ORC5: variants seen among roughly 807,000 people sequenced by gnomAD.
The protein encoded by ORC5 is origin recognition complex subunit 5.
A neutral mutation model predicts 58.8 loss-of-function variants in ORC5; 39 were observed. That is an observed-to-expected ratio of 0.66 (90% CI 0.51 to 0.87). The LOEUF is 0.87. ORC5 is among the 40% of genes least tolerant of loss of function. The probability of loss-of-function intolerance (pLI) is 0.00; values close to 1 mark genes in which losing one functional copy is unlikely to be tolerated. For missense variants in ORC5, 493 were observed against 506.3 expected (o/e 0.97, Z 0.25); for synonymous variants, 218 against 177.6 (o/e 1.23, Z -1.81).
chr7:104,149,561 CTG>C, intron 12 of ORC5, among the ~76,000 whole-genome samples: 1 of 152,250 alleles, frequency 6.6e-6, no homozygotes, highest in African/African-American at 2.4e-5. Context: ...TTTTAAAAAA[CTG>C]TATTAAAAGT....
At chr7:104,177,883 C>T (rs1437939674) in intron 8 of ORC5, among the ~76,000 whole-genome samples, 2 of 152,130 alleles carry the variant, frequency 1.3e-5, no homozygotes, top group African/African-American at 4.8e-5. Flanking sequence ...CACCTATGTC[C>T]CTGCAAAGGA....
chr7:104,155,797 G>A (rs905340632), intron 12 of ORC5, among the ~76,000 whole-genome samples: 5 of 151,406 alleles, frequency 3.3e-5, no homozygotes, highest in Admixed American at 3.3e-4. Flanking sequence ...AAGAGTATTT[G>A]GGTAGGGGAG....
rs111532463 is a variant in ORC5, at chr7:104,138,550, T to A, written c.1150-1657A>T. Among the ~76,000 whole-genome samples the A allele has an allele frequency of 1.4e-3, 213 of 152,100 alleles. 1 individual carries two copies. The highest frequency in any genetic ancestry group is 3.4e-3 in the Middle Eastern group (1 of 294). On this transcript the variant is annotated intron_variant, in intron 12 of 13. Transcript: ENST00000297431. The surrounding 1 kb of genome is among the most constrained non-coding windows in gnomAD (Gnocchi z 4.7). ...TCTGAGGCAGGGTCTCACTCCATTA[T>A]CCATGCTGGATTGCAGTGGCGCAAT...
chr7:104,132,565 A>G (rs1223142052), intron 13 of ORC5, among the ~76,000 whole-genome samples: 1 of 152,098 alleles, frequency 6.6e-6, no homozygotes, highest in Non-Finnish European at 1.5e-5. Context: ...CTGTCCCCAA[A>G]AACAAATTCA....
intron 3 of ORC5, among the ~76,000 whole-genome samples, chr7:104,198,791 A>G (rs752306051): frequency 7.2e-5 from 11 of 152,238 alleles, no homozygotes; most frequent in Non-Finnish European, 1.6e-4. Flanking sequence ...AATGTCTCCA[A>G]GGTCTTCACG....
At chr7:104,183,559 A>G (rs1380609490) in intron 8 of ORC5, among the ~76,000 whole-genome samples, 1 of 152,214 alleles carries the variant, frequency 6.6e-6, no homozygotes, top group East Asian at 1.9e-4. Context: ...GATAAAAAGA[A>G]CTATTACAAA....
intron 9 of ORC5, among the ~76,000 whole-genome samples, chr7:104,167,575 T>C (rs1279183822): frequency 1.3e-5 from 2 of 152,204 alleles, no homozygotes; most frequent in African/African-American, 2.4e-5. Context: ...AGAAAATAAC[T>C]GATGAATGGA....
intron 3 of ORC5, among the ~76,000 whole-genome samples, chr7:104,198,810 C>A (rs1799861759): frequency 6.6e-6 from 1 of 152,216 alleles, no homozygotes; most frequent in Non-Finnish European, 1.5e-5. Context: ...CGTGGCAGCC[C>A]ATCCCATTAC....
At chr7:104,152,853 G>C (rs1798868075) in intron 12 of ORC5, among the ~76,000 whole-genome samples, 1 of 152,068 alleles carries the variant, frequency 6.6e-6, no homozygotes, top group African/African-American at 2.4e-5. Flanking sequence ...AAAGTAGAAA[G>C]CATAATTTAT....
At position 104,136,845 on chromosome 7, in the gene ORC5, C is replaced by T. The variant is rs140616327; in HGVS notation, c.1198G>A (p.Asp400Asn). Reference protein sequence around the residue: ...LQLLTLVGHDDQLDGPKYKCT... With the variant: ...LQLLTLVGHDNQLDGPKYKCT... The stretch of plus-strand genomic sequence containing the variant: ...TTGTATTTTGGTCCATCAAGCTGAT[C>T]GTCATGGCCAACCAGGGTTAACAGC... Residue 400 changes from aspartate to asparagine, a missense_variant, in exon 13 of 14, where the codon GAT becomes AAT. Physicochemically the swap from Asp to Asn is conservative, Grantham distance 23. Transcript: ENST00000297431. The surrounding 1 kb of genome is among the most constrained non-coding windows in gnomAD (Gnocchi z 4.2). The T allele has an allele frequency of 6.8e-5, 109 of 1,613,982 alleles. No individual in the cohort carries two copies. The African/African-American group carries it at 1.0e-3, about 15-fold the overall frequency.
At chr7:104,160,875 TA>T (rs1428904701) in intron 12 of ORC5, among the ~76,000 whole-genome samples, 196 bp downstream of exon 12, 1 of 152,186 alleles carries the variant, frequency 6.6e-6, no homozygotes, top group African/African-American at 2.4e-5. Context: ...GTTATACTTG[TA>T]AACATATGTA....
chr7:104,139,839 A>G (rs1798645163), intron 12 of ORC5, among the ~76,000 whole-genome samples: 1 of 151,996 alleles, frequency 6.6e-6, no homozygotes, highest in Non-Finnish European at 1.5e-5. Context: ...CAAAGACATT[A>G]TTTGTATTGT....
Position 104,148,601 on chromosome 7 carries a change from T to C in ORC5, c.1150-11708A>G, listed in dbSNP as rs577846478. 2.0e-5 allele frequency among the ~76,000 whole-genome samples: 3 copies of C among 152,246 alleles called. No individual in the cohort carries two copies. The South Asian group carries it at 6.2e-4, about 32-fold the overall frequency. ...ACAATTAACAATACTGTGAACAGAA[T>C]TGTTAGATGTATGAGTTTGATGTCA... On this transcript the variant is annotated intron_variant, in intron 12 of 13. Transcript: ENST00000297431.
intron 12 of ORC5, among the ~76,000 whole-genome samples, chr7:104,137,121 G>C (rs142498622): frequency 0.014 from 1,988 of 144,918 alleles, 52 homozygotes; most frequent in African/African-American, 0.048. Context: ...TTTTTTCTTA[G>C]AGATATGGTC....
intron 8 of ORC5, among the ~76,000 whole-genome samples, chr7:104,181,560 C>G (rs1799430424): frequency 6.6e-6 from 1 of 151,762 alleles, no homozygotes; most frequent in African/African-American, 2.4e-5. Flanking sequence ...CCAAGGCAGG[C>G]AGATCACGAG....
chr7:104,140,654 C>A (rs1798657469), intron 12 of ORC5, among the ~76,000 whole-genome samples: 1 of 152,140 alleles, frequency 6.6e-6, no homozygotes, highest in Admixed American at 6.5e-5. Flanking sequence ...GTGAAAATGA[C>A]CATGGTGGCC....
rs1278550558 is a variant in ORC5, at chr7:104,195,009, AAATTTAT to A, written c.553+127_553+133del. ...AATATCAAATTCCCATTTGAATATCAAATTTATAATTCCCATTTGAATATCAAATGGG... is the reference window on the plus strand; with the variant it reads ...AATATCAAATTCCCATTTGAATATCAAATTCCCATTTGAATATCAAATGGG... On this transcript the variant is annotated intron_variant, in intron 5 of 13. Coordinates refer to ENST00000297431, the MANE Select transcript of ORC5 (RefSeq NM_002553.4). The A allele has an allele frequency of 7.8e-5, 39 of 499,508 alleles. No homozygotes were observed. The African/African-American group carries it at 1.2e-3, about 15-fold the overall frequency. 30.9% of individuals were successfully genotyped at this position (499,508 alleles called of 1,614,324 possible).
chr7:104,164,167 C>G (rs1165580270), intron 11 of ORC5, among the ~76,000 whole-genome samples: 1 of 152,158 alleles, frequency 6.6e-6, no homozygotes, highest in Non-Finnish European at 1.5e-5. Flanking sequence ...TGCCTGTAAT[C>G]CCAGCACTTT....
intron 5 of ORC5, among the ~76,000 whole-genome samples, chr7:104,189,177 A>G (rs1799616941): frequency 6.6e-6 from 1 of 152,132 alleles, no homozygotes; most frequent in Non-Finnish European, 1.5e-5. Flanking sequence ...ACTGCTATGA[A>G]GAAATACCCA....
Sources: allele counts gnomAD v4.1 joint callset (sites outside exome capture counted in the v4.1 genomes callset), GRCh38; gene constraint gnomAD v4.1.1; non-coding constraint Gnocchi (gnomAD v3.1); transcripts MANE v1.5; gene names NCBI Gene and HGNC (gene_info 2026-07-23, HGNC 2026-07-21).